The following PIP5K1B variants were observed in gnomAD, a reference collection of about 807,000 sequenced individuals.
The protein encoded by PIP5K1B is phosphatidylinositol-4-phosphate 5-kinase type 1 beta.
In PIP5K1B, 42 loss-of-function variants were observed where a neutral mutation model predicts 67.0. The observed-to-expected ratio is 0.63, with a 90% CI of 0.49 to 0.81. The LOEUF (loss-of-function observed/expected upper bound fraction) is 0.81. Among genes scored for constraint, PIP5K1B ranks in the 30% least tolerant of loss-of-function variants. PIP5K1B has a pLI of 0.00. For missense variants in PIP5K1B, 459 were observed against 646.3 expected, an observed-to-expected ratio of 0.71 and a Z score of 3.14; for synonymous variants, 214 against 231.4, an observed-to-expected ratio of 0.92 and a Z score of 0.68.
chr9:68,989,028 G>A lies in PIP5K1B; in HGVS notation c.1503-2112G>A, dbSNP rs1830235555. Among the ~76,000 whole-genome samples the A allele has an allele frequency of 2.4e-5, 3 of 127,422 alleles. No individual in the cohort carries two copies. The South Asian group carries it at 8.0e-4, about 34-fold the overall frequency. 83.6% of individuals were successfully genotyped at this position (127,422 alleles called of 152,430 possible). A position where few individuals can be genotyped will look rare whatever the true frequency, so the allele number is the denominator to read the frequency against. On this transcript the variant is annotated intron_variant, in intron 14 of 15. Coordinates refer to ENST00000265382, the MANE Select transcript of PIP5K1B (RefSeq NM_003558.4). ...GAGAATCGCTTGAGCCCAGGAGGCAGAGATTGCAGTGAGCGAAGACCGTGC... is the reference window on the plus strand; with the variant it reads ...GAGAATCGCTTGAGCCCAGGAGGCAAAGATTGCAGTGAGCGAAGACCGTGC...
chr9:68,900,588 A>G (rs1825309771), intron 8 of PIP5K1B, among the ~76,000 whole-genome samples: 1 of 152,192 alleles, frequency 6.6e-6, no homozygotes, highest in Non-Finnish European at 1.5e-5. Context: ...TTTGAGACAA[A>G]GTATATTAGT....
intron 4 of PIP5K1B, among the ~76,000 whole-genome samples, chr9:68,851,260 G>A (rs1022304467): frequency 1.3e-5 from 2 of 152,070 alleles, no homozygotes; most frequent in African/African-American, 4.8e-5. Flanking sequence ...GGATATACTG[G>A]GATCTTGTTA....
intron 2 of PIP5K1B, among the ~76,000 whole-genome samples, chr9:68,813,794 A>G (rs948203814): frequency 5.9e-5 from 9 of 152,202 alleles, no homozygotes. Context: ...AGGGACTCCA[A>G]GAAAGATGGC....
At chr9:68,833,760 A>G (rs924538305) in intron 4 of PIP5K1B, among the ~76,000 whole-genome samples, 1 of 152,192 alleles carries the variant, frequency 6.6e-6, no homozygotes, top group Admixed American at 6.5e-5. Context: ...GGGTGAGGGC[A>G]TGGTAGGAAT....
intron 8 of PIP5K1B, among the ~76,000 whole-genome samples, chr9:68,898,375 A>G (rs1247016815): frequency 2.0e-5 from 3 of 152,046 alleles, no homozygotes; most frequent in Non-Finnish European, 4.4e-5. Flanking sequence ...AGGCTTTCCT[A>G]TCCCTTGGTC....
chr9:68,824,797 A>C (rs1388834091), intron 4 of PIP5K1B, among the ~76,000 whole-genome samples: 1 of 152,244 alleles, frequency 6.6e-6, no homozygotes, highest in African/African-American at 2.4e-5. Flanking sequence ...TCTTCAAACT[A>C]GAGAAGGTGT....
At chr9:68,767,278 C>G (rs963285742) in intron 2 of PIP5K1B, among the ~76,000 whole-genome samples, 6 of 152,194 alleles carry the variant, frequency 3.9e-5, no homozygotes, top group African/African-American at 1.4e-4. Context: ...AAAACCCTTT[C>G]ATAAAATACC....
intron 12 of PIP5K1B, among the ~76,000 whole-genome samples, chr9:68,928,469 T>A (rs548916918): frequency 3.9e-5 from 6 of 152,360 alleles, no homozygotes; most frequent in Admixed American, 2.6e-4. Flanking sequence ...CATTGAATAA[T>A]CAGATAAATG....
At chr9:68,762,813 T>C (rs1587405031) in intron 2 of PIP5K1B, among the ~76,000 whole-genome samples, 1 of 152,152 alleles carries the variant, frequency 6.6e-6, no homozygotes, top group Admixed American at 6.6e-5. Context: ...GTGTATGGGA[T>C]GTGCCACTTC....
chr9:68,848,853 G>C (rs1247510663), intron 4 of PIP5K1B, among the ~76,000 whole-genome samples: 4 of 152,138 alleles, frequency 2.6e-5, no homozygotes, highest in South Asian at 2.1e-4. Context: ...AAATTATAAA[G>C]TTAAGAGCAA....
At chr9:68,981,511 A>C (rs1032354619) in intron 14 of PIP5K1B, among the ~76,000 whole-genome samples, 5 of 152,212 alleles carry the variant, frequency 3.3e-5, no homozygotes, top group Admixed American at 1.3e-4. Context: ...GTTGCTTTTC[A>C]TCAGAAGTCA....
At chr9:68,950,546 T>G (rs1828012237) in intron 14 of PIP5K1B, among the ~76,000 whole-genome samples, 1 of 152,180 alleles carries the variant, frequency 6.6e-6, no homozygotes, top group Admixed American at 6.5e-5. Context: ...TCCATTTGCC[T>G]TCTGAGCCTA....
At chr9:68,722,805 TG>T (rs1055203557) in intron 1 of PIP5K1B, among the ~76,000 whole-genome samples, 1 of 152,118 alleles carries the variant, frequency 6.6e-6, no homozygotes, top group Non-Finnish European at 1.5e-5. Flanking sequence ...TTCATTGTGT[TG>T]GGAACATTAT....
chr9:68,845,683 G>T (rs1188123088), intron 4 of PIP5K1B, among the ~76,000 whole-genome samples: 1 of 152,120 alleles, frequency 6.6e-6, no homozygotes, highest in East Asian at 1.9e-4. Context: ...AGAAATAGAG[G>T]ATTTTGGAAA....
Position 68,895,265 on chromosome 9 carries a change from T to TTA in PIP5K1B, c.771+627_771+628insTA, listed in dbSNP as rs748107484. Among the ~76,000 whole-genome samples, 297 of 121,104 alleles carry TTA rather than the reference T, an allele frequency of 2.5e-3. 2 individuals carry two copies. Among genetic ancestry groups the TTA allele is most frequent in the African/African-American group, 8.9e-3 (283 of 31,856 alleles). The allele number at this position is 121,104 out of a possible 152,430, so 79.4% of individuals were successfully genotyped here. On this transcript the variant is annotated intron_variant, in intron 8 of 15. Coordinates refer to ENST00000265382, the MANE Select transcript of PIP5K1B (RefSeq NM_003558.4). ...GGAATTCCCCCAGGCTGCAATGCTT[T>TTA]AAAAAAAAAAAAAAAAAAAAAACTA...
At chr9:68,860,902 C>T (rs1263256028) in intron 4 of PIP5K1B, among the ~76,000 whole-genome samples, 2 of 152,166 alleles carry the variant, frequency 1.3e-5, no homozygotes, top group Non-Finnish European at 2.9e-5. Flanking sequence ...GTTGCTAAAC[C>T]TTCCTGAGCC....
In PIP5K1B at chr9:68,992,157, G is replaced by A. The variant is rs572339195; in HGVS notation, c.1620+900G>A. The stretch of plus-strand genomic sequence containing the variant: ...ATTTTGTATTTTTAGTAGAGACGGG[G>A]TTTCCATGTTGGTCAGGCTGGTCTC... On this transcript the variant is annotated intron_variant, in intron 15 of 15. Transcript: ENST00000265382. 8.7e-5 allele frequency among the ~76,000 whole-genome samples: 13 copies of A among 148,868 alleles called. No homozygotes were observed. In the South Asian group the frequency reaches 2.6e-3, roughly 30 times the overall value.
At chr9:68,811,464 C>A (rs1833161703) in intron 2 of PIP5K1B, among the ~76,000 whole-genome samples, 1 of 152,062 alleles carries the variant, frequency 6.6e-6, no homozygotes, top group African/African-American at 2.4e-5. Context: ...TGAGAAAAAC[C>A]AGGATGTTCT....
At chr9:68,828,458 G>GT (rs1392314370) in intron 4 of PIP5K1B, among the ~76,000 whole-genome samples, 2 of 152,136 alleles carry the variant, frequency 1.3e-5, no homozygotes, top group Admixed American at 6.6e-5. Context: ...CAAATGCCCA[G>GT]TTTTTTTCAC....
Sources: allele counts gnomAD v4.1 joint callset (sites outside exome capture counted in the v4.1 genomes callset), GRCh38; gene constraint gnomAD v4.1.1; transcripts MANE v1.5; gene names NCBI Gene and HGNC (gene_info 2026-07-23, HGNC 2026-07-21).